RGS7: variants seen among roughly 807,000 people sequenced by gnomAD.
RGS7 encodes regulator of G protein signaling 7, also known as regulator of G-protein signaling 7.
RGS7 carries 27 observed loss-of-function variants against 81.1 expected under a neutral mutation model. That is an observed-to-expected ratio of 0.33 (90% CI 0.25 to 0.46). The LOEUF is 0.46. Among genes scored for constraint, RGS7 ranks in the 20% least tolerant of loss-of-function variants. RGS7 has a pLI of 1.00. For synonymous variants in RGS7, 208 were observed against 207.7 expected, an observed-to-expected ratio of 1.00 and a Z score of -0.01; for missense variants, 396 against 607.4, an observed-to-expected ratio of 0.65 and a Z score of 3.66.
intron 3 of RGS7, among the ~76,000 whole-genome samples, chr1:240,994,109 C>G (rs1015068077): frequency 1.3e-5 from 2 of 152,186 alleles, no homozygotes; most frequent in Non-Finnish European, 2.9e-5. Flanking sequence ...ATAATATAAA[C>G]ATAAAATAAA....
At chr1:241,028,511 T>A (rs10926396) in intron 3 of RGS7, among the ~76,000 whole-genome samples, 29,533 of 151,912 alleles carry the variant, frequency 0.19, 3,868 homozygotes, top group African/African-American at 0.37. Context: ...TCATCATTAG[T>A]TTTTGTTGGA....
At chr1:240,837,828 A>G (rs1694962823) in intron 9 of RGS7, among the ~76,000 whole-genome samples, 1 of 152,252 alleles carries the variant, frequency 6.6e-6, no homozygotes, top group Non-Finnish European at 1.5e-5. Flanking sequence ...AGAGAACCAA[A>G]TAAAATTTCA....
intron 5 of RGS7, among the ~76,000 whole-genome samples, chr1:240,932,874 T>G (rs906561468): frequency 7.2e-6 from 1 of 138,740 alleles, no homozygotes; most frequent in Non-Finnish European, 1.5e-5. Flanking sequence ...TTTGGTATCT[T>G]TCTTTTTTTT....
At chr1:241,171,709 G>A (rs752755066) in intron 2 of RGS7, among the ~76,000 whole-genome samples, 10 of 152,182 alleles carry the variant, frequency 6.6e-5, no homozygotes, top group Non-Finnish European at 1.2e-4. Flanking sequence ...GATGGATTAA[G>A]TCGGTACCCT....
intron 2 of RGS7, among the ~76,000 whole-genome samples, chr1:241,203,407 A>G (rs1454434567): frequency 6.6e-6 from 1 of 151,778 alleles, no homozygotes; most frequent in East Asian, 1.9e-4. Context: ...TAATTTTTGT[A>G]TTTTTAGTAG....
chr1:241,319,562 T>C (rs543047116), intron 2 of RGS7, among the ~76,000 whole-genome samples: 1 of 152,158 alleles, frequency 6.6e-6, no homozygotes, highest in South Asian at 2.1e-4. Context: ...TCTTACTTTG[T>C]CACCCAGGCT....
At chr1:240,933,129 C>G (rs539529563) in intron 5 of RGS7, among the ~76,000 whole-genome samples, 3,034 of 141,078 alleles carry the variant, frequency 0.022, 89 homozygotes, top group Middle Eastern at 0.061. Flanking sequence ...TGATCTGCCC[C>G]CCTCGGCCCC....
intron 2 of RGS7, among the ~76,000 whole-genome samples, chr1:241,245,624 T>C (rs1222736233): frequency 1.3e-5 from 2 of 151,176 alleles, no homozygotes; most frequent in East Asian, 1.9e-4. Flanking sequence ...CTGACCAACA[T>C]GGTGAAACCC....
At chr1:241,329,771 T>C (rs2081851731) in intron 2 of RGS7, among the ~76,000 whole-genome samples, 1 of 152,170 alleles carries the variant, frequency 6.6e-6, no homozygotes, top group Non-Finnish European at 1.5e-5. Context: ...GGTGAAATCC[T>C]GGAAACATTT....
chr1:240,963,801 T>C, intron 4 of RGS7, among the ~76,000 whole-genome samples: 1 of 152,262 alleles, frequency 6.6e-6, no homozygotes, highest in South Asian at 2.1e-4. Context: ...GGGAGAGAAC[T>C]GTGGTGAGTA....
intron 10 of RGS7, among the ~76,000 whole-genome samples, chr1:240,826,014 C>T (rs1277550688): frequency 6.6e-6 from 1 of 152,142 alleles, no homozygotes; most frequent in Non-Finnish European, 1.5e-5. Context: ...GAGCCGATAG[C>T]ATTTTTGAAT....
At chr1:241,286,706 C>G (rs2078830903) in intron 2 of RGS7, among the ~76,000 whole-genome samples, 1 of 152,206 alleles carries the variant, frequency 6.6e-6, no homozygotes, top group Non-Finnish European at 1.5e-5. Context: ...GTGCCAGCAC[C>G]CTGTGGCTTG....
At chr1:241,285,560 T>C (rs372948410) in intron 2 of RGS7, among the ~76,000 whole-genome samples, 2 of 152,210 alleles carry the variant, frequency 1.3e-5, no homozygotes, top group African/African-American at 2.4e-5. Context: ...AGTAGTATTA[T>C]TAAGGTCTCA....
chr1:241,049,098 C>T (rs563677344), intron 3 of RGS7, among the ~76,000 whole-genome samples: 2 of 152,282 alleles, frequency 1.3e-5, no homozygotes, highest in East Asian at 1.9e-4. Context: ...ATCTTAACTT[C>T]GTTACATCTT....
intron 2 of RGS7, among the ~76,000 whole-genome samples, chr1:241,302,492 T>C (rs1472493609): frequency 6.6e-6 from 1 of 152,130 alleles, no homozygotes; most frequent in Non-Finnish European, 1.5e-5. Flanking sequence ...GAGCTTGCAG[T>C]GAGCCAAGAT....
intron 6 of RGS7, among the ~76,000 whole-genome samples, chr1:240,871,930 G>C (rs1263547175): frequency 1.3e-5 from 2 of 152,050 alleles, no homozygotes; most frequent in African/African-American, 4.8e-5. Flanking sequence ...TGCTTTATTG[G>C]TTTTGCCCAT....
intron 3 of RGS7, among the ~76,000 whole-genome samples, chr1:240,999,757 C>G (rs187892134): frequency 7.0e-4 from 92 of 131,206 alleles, no homozygotes; most frequent in African/African-American, 2.6e-3. Context: ...TGTGCCACCA[C>G]GCTCGGCTAA....
chr1:241,206,229 A>AT (rs1477998729), intron 2 of RGS7, among the ~76,000 whole-genome samples: 53 of 113,710 alleles, frequency 4.7e-4, no homozygotes, highest in African/African-American at 1.8e-3. Context: ...TAAAGAATGA[A>AT]CTTTTTTTTT....
chr1:241,232,208 C>T (rs72760515), intron 2 of RGS7, among the ~76,000 whole-genome samples: 2 of 147,388 alleles, frequency 1.4e-5, no homozygotes, highest in African/African-American at 2.5e-5. Flanking sequence ...CTCTCTCTCT[C>T]TCTTTCTCTC....
Sources: allele counts gnomAD v4.1 joint callset (sites outside exome capture counted in the v4.1 genomes callset), GRCh38; gene constraint gnomAD v4.1.1; transcripts MANE v1.5; gene names NCBI Gene and HGNC (gene_info 2026-07-23, HGNC 2026-07-21).